Variants in ARB2A observed in about 807,000 individuals in gnomAD.
ARB2A encodes cotranscriptional regulator ARB2A.
chr5:93,673,438 T>C, the ARB2A span, among the ~76,000 whole-genome samples: 6 of 152,216 alleles, frequency 3.9e-5, no homozygotes, highest in Admixed American at 1.3e-4. Context: ...AAATTAGCAC[T>C]GATGATTTAC....
the ARB2A span, among the ~76,000 whole-genome samples, chr5:93,855,597 T>C: frequency 1.3e-5 from 2 of 152,232 alleles, no homozygotes; most frequent in Non-Finnish European, 2.9e-5. Flanking sequence ...TGGCTGGTAC[T>C]GGTTGTTCCT....
chr5:93,881,359 T>C, the ARB2A span: 4 of 799,178 alleles, frequency 5.0e-6, no homozygotes, highest in Non-Finnish European at 7.7e-6. Flanking sequence ...GGGAAATAAA[T>C]GATGACAAAT....
chr5:93,700,315 C>G, the ARB2A span, among the ~76,000 whole-genome samples: 1 of 151,950 alleles, frequency 6.6e-6, no homozygotes, highest in South Asian at 2.1e-4. Flanking sequence ...TAAATCATCC[C>G]TAAGGCAAAT....
At chr5:93,953,953 A>G in the ARB2A span, among the ~76,000 whole-genome samples, 1 of 151,684 alleles carries the variant, frequency 6.6e-6, no homozygotes, top group African/African-American at 2.4e-5. Flanking sequence ...GCCAATATTC[A>G]CTCAGTATCC....
At chr5:93,823,651 A>C in the ARB2A span, among the ~76,000 whole-genome samples, 1 of 152,180 alleles carries the variant, frequency 6.6e-6, no homozygotes, top group South Asian at 2.1e-4. Flanking sequence ...CTAATATGTA[A>C]ATAAGGAACA....
At chr5:93,901,155 A>G in the ARB2A span, among the ~76,000 whole-genome samples, 1 of 152,200 alleles carries the variant, frequency 6.6e-6, no homozygotes, top group Admixed American at 6.5e-5. Context: ...CCGCAACCAC[A>G]TTTGAAAACA....
the ARB2A span, among the ~76,000 whole-genome samples, chr5:94,009,919 CTT>C: frequency 3.7e-4 from 50 of 136,344 alleles, no homozygotes; most frequent in Admixed American, 5.9e-4. Context: ...CATCTTTGGT[CTT>C]TTTTTTTTTT....
At chr5:94,041,080 C>A in the ARB2A span, among the ~76,000 whole-genome samples, 1 of 152,024 alleles carries the variant, frequency 6.6e-6, no homozygotes, top group African/African-American at 2.4e-5. Flanking sequence ...CTTCTGGCCT[C>A]TCTGTCTCTC....
chr5:93,872,842 G>A, the ARB2A span, among the ~76,000 whole-genome samples: 1 of 151,842 alleles, frequency 6.6e-6, no homozygotes, highest in Non-Finnish European at 1.5e-5. Flanking sequence ...GCGTGAACCC[G>A]GGAGGCAGAG....
the ARB2A span, among the ~76,000 whole-genome samples, chr5:93,890,089 T>C: frequency 6.6e-6 from 1 of 151,926 alleles, no homozygotes; most frequent in Admixed American, 6.6e-5. Context: ...CAAAGTACTA[T>C]CTATCATATT....
the ARB2A span, among the ~76,000 whole-genome samples, chr5:93,828,395 T>C: frequency 2.0e-5 from 3 of 152,224 alleles, no homozygotes; most frequent in East Asian, 5.8e-4. Flanking sequence ...TCTCTGTTTG[T>C]CTGTTATTGG....
chr5:94,080,601 T>C, the ARB2A span, among the ~76,000 whole-genome samples: 1 of 152,176 alleles, frequency 6.6e-6, no homozygotes, highest in African/African-American at 2.4e-5. Flanking sequence ...TGGCCTCAGG[T>C]GCAAAGTGCT....
chr5:93,958,173 A>C, the ARB2A span, among the ~76,000 whole-genome samples: 1 of 152,106 alleles, frequency 6.6e-6, no homozygotes, highest in South Asian at 2.1e-4. Context: ...AAAAGTTTGA[A>C]TGCAAATAAG....
At chr5:93,682,302 G>GT in the ARB2A span, among the ~76,000 whole-genome samples, 1 of 149,182 alleles carries the variant, frequency 6.7e-6, no homozygotes, top group Non-Finnish European at 1.5e-5. Context: ...TGGAAAAAAT[G>GT]TGTGTGGCTT....
At chr5:93,648,094 T>C in the ARB2A span, among the ~76,000 whole-genome samples, 1 of 149,996 alleles carries the variant, frequency 6.7e-6, no homozygotes, top group Non-Finnish European at 1.5e-5. Flanking sequence ...TGCAGTGAGC[T>C]GTGATCAAGT....
the ARB2A span, among the ~76,000 whole-genome samples, chr5:93,853,940 T>C: frequency 6.6e-6 from 1 of 152,124 alleles, no homozygotes; most frequent in Admixed American, 6.6e-5. Flanking sequence ...TGTCTCTCCC[T>C]GGCTTTGGTA....
At chr5:94,018,260 C>T in the ARB2A span, among the ~76,000 whole-genome samples, 1 of 152,146 alleles carries the variant, frequency 6.6e-6, no homozygotes, top group Admixed American at 6.5e-5. Context: ...AAGACTATAA[C>T]AATCTAAAGA....
chr5:94,037,065 A>G, the ARB2A span, among the ~76,000 whole-genome samples: 4 of 152,124 alleles, frequency 2.6e-5, no homozygotes, highest in African/African-American at 9.7e-5. Flanking sequence ...CCTTAACATA[A>G]AATATATTTC....
At chr5:93,644,526 T>C in the ARB2A span, among the ~76,000 whole-genome samples, 3 of 152,230 alleles carry the variant, frequency 2.0e-5, no homozygotes, top group Admixed American at 6.5e-5. Flanking sequence ...TTTGAACATA[T>C]GGATGGTCCA....
Sources: allele counts gnomAD v4.1 joint callset (sites outside exome capture counted in the v4.1 genomes callset), GRCh38; gene constraint gnomAD v4.1.1; transcripts MANE v1.5; gene names NCBI Gene and HGNC (gene_info 2026-07-23, HGNC 2026-07-21).